TGFBR3: variants seen among roughly 807,000 people sequenced by gnomAD.
TGFBR3 encodes transforming growth factor beta receptor 3, also known as transforming growth factor beta receptor type 3.
TGFBR3 carries 46 observed loss-of-function variants against 87.9 expected under a neutral mutation model. The ratio of observed to expected loss-of-function variants is 0.52; its 90% CI spans 0.41 to 0.67. The LOEUF (loss-of-function observed/expected upper bound fraction) is 0.67. Among genes scored for constraint, TGFBR3 ranks in the 30% least tolerant of loss-of-function variants. The pLI, the probability that TGFBR3 is intolerant of heterozygous loss-of-function variation, is 0.00. For synonymous variants in TGFBR3, 381 were observed against 391.6 expected (o/e 0.97, Z 0.32); for missense variants, 866 against 1,041.9 (o/e 0.83, Z 2.32).
intron 2 of TGFBR3, among the ~76,000 whole-genome samples, chr1:91,855,238 G>T (rs1335511092): frequency 6.6e-6 from 1 of 152,192 alleles, no homozygotes; most frequent in Non-Finnish European, 1.5e-5. Flanking sequence ...GTTTCCAAAA[G>T]GATACATCTG....
At chr1:91,747,734 G>A (rs1428419215) in intron 4 of TGFBR3, among the ~76,000 whole-genome samples, 1 of 152,160 alleles carries the variant, frequency 6.6e-6, no homozygotes, top group African/African-American at 2.4e-5. Context: ...CACTAAGGAA[G>A]GGAGATTGTA....
chr1:91,734,244 C>T lies in TGFBR3; in HGVS notation c.568+532G>A, dbSNP rs560669140. Among the ~76,000 whole-genome samples the T allele has an allele frequency of 2.0e-5, 3 of 152,222 alleles. No individual in the cohort carries two copies. The South Asian group carries it at 6.2e-4, about 32-fold the overall frequency. On this transcript the variant is annotated intron_variant, in intron 5 of 16. Coordinates refer to ENST00000212355, the MANE Select transcript of TGFBR3 (RefSeq NM_003243.5). ...TATCAAGACCCTACACTTCTTTTCT[C>T]CAATAATTTGTCCTTGTAATAGTCA...
chr1:91,683,144 C>T lies in TGFBR3; in HGVS notation c.*595G>A. The T allele has an allele frequency of 2.2e-6, 1 of 454,532 alleles. No homozygotes were observed. The highest frequency in any genetic ancestry group is 1.6e-5 in the South Asian group (1 of 64,476). The allele number at this position is 454,532 out of a possible 1,614,324, so 28.2% of individuals were successfully genotyped here. ...TGTTGCCTTAACACTTGTCAGGGTGCAGTCCCTGAGGGCAGCACCCATCAA... is the reference window on the plus strand; with the variant it reads ...TGTTGCCTTAACACTTGTCAGGGTGTAGTCCCTGAGGGCAGCACCCATCAA... On this transcript the variant is annotated 3_prime_UTR_variant, in exon 17 of 17. Coordinates refer to ENST00000212355, the MANE Select transcript of TGFBR3 (RefSeq NM_003243.5).
chr1:91,778,954 G>A (rs1238186499), intron 3 of TGFBR3, among the ~76,000 whole-genome samples: 7 of 152,170 alleles, frequency 4.6e-5, no homozygotes, highest in African/African-American at 1.7e-4. Context: ...ACTGGGTGAA[G>A]GCAGCCACAT....
chr1:91,904,077 G>C (rs1217652437), intron 1 of TGFBR3, among the ~76,000 whole-genome samples: 1 of 152,002 alleles, frequency 6.6e-6, no homozygotes, highest in East Asian at 1.9e-4. Context: ...CCAGCTACTC[G>C]GGAGGCTGAG....
chr1:91,728,633 C>T (rs1169531255), intron 6 of TGFBR3, among the ~76,000 whole-genome samples: 2 of 152,204 alleles, frequency 1.3e-5, no homozygotes, highest in African/African-American at 2.4e-5. Context: ...GGCCTGACGT[C>T]GAAGCACATT....
chr1:91,780,334 A>G (rs1393861182), intron 3 of TGFBR3, among the ~76,000 whole-genome samples: 3 of 152,130 alleles, frequency 2.0e-5, no homozygotes, highest in Non-Finnish European at 4.4e-5. Context: ...AACTCTCTCA[A>G]TTCTGTAACC....
chr1:91,770,296 C>T lies in TGFBR3; in HGVS notation c.247-11546G>A, dbSNP rs538574798. On this transcript the variant is annotated intron_variant, in intron 3 of 16. Transcript: ENST00000212355. Reference sequence around the variant, plus strand: ...TAAATAGACTTTATCCCATGCTGAACTTACATAGACTGATTCCTACAGATT... The same window carrying T: ...TAAATAGACTTTATCCCATGCTGAATTTACATAGACTGATTCCTACAGATT... Among the ~76,000 whole-genome samples the T allele has an allele frequency of 9.9e-5, 15 of 151,074 alleles. No homozygotes were observed. In the East Asian group the frequency reaches 2.9e-3, roughly 29 times the overall value.
intron 2 of TGFBR3, among the ~76,000 whole-genome samples, chr1:91,896,712 T>A (rs1330680064): frequency 6.6e-6 from 1 of 152,170 alleles, no homozygotes; most frequent in East Asian, 1.9e-4. Flanking sequence ...ATTGCTCTTA[T>A]TTTGGTCTTA....
chr1:91,724,963 C>T (rs1255298914), intron 7 of TGFBR3, among the ~76,000 whole-genome samples: 1 of 152,098 alleles, frequency 6.6e-6, no homozygotes, highest in Non-Finnish European at 1.5e-5. Context: ...GAACAAGCTG[C>T]CCATCATCAA....
intron 4 of TGFBR3, among the ~76,000 whole-genome samples, chr1:91,736,574 G>GA: frequency 6.6e-6 from 1 of 151,970 alleles, no homozygotes; most frequent in Non-Finnish European, 1.5e-5. Flanking sequence ...GCCTGAATAA[G>GA]AAAAAAATCC....
intron 1 of TGFBR3, among the ~76,000 whole-genome samples, chr1:91,868,321 A>G (rs1557753586): frequency 6.6e-6 from 1 of 152,258 alleles, no homozygotes; most frequent in Non-Finnish European, 1.5e-5. Context: ...TAGCAAGGCA[A>G]CAGAAATAGT....
Position 91,681,147 on chromosome 1 carries a change from G to A in TGFBR3, c.*2592C>T, listed in dbSNP as rs901284830. ...AACAATACTTTTAAAGAAACTTGTAGTACACGTTATAAAAGTAGAGCTTGT... is the reference window on the plus strand; with the variant it reads ...AACAATACTTTTAAAGAAACTTGTAATACACGTTATAAAAGTAGAGCTTGT... On this transcript the variant is annotated 3_prime_UTR_variant, in exon 17 of 17. Coordinates refer to ENST00000212355, the MANE Select transcript of TGFBR3 (RefSeq NM_003243.5). 6.6e-6 allele frequency: 3 copies of A among 453,998 alleles called. No homozygotes were observed. The highest frequency in any genetic ancestry group is 4.7e-5 in the Admixed American group (2 of 42,558). 28.1% of individuals were successfully genotyped at this position (453,998 alleles called of 1,614,324 possible). A position where few individuals can be genotyped will look rare whatever the true frequency, so the allele number is the denominator to read the frequency against.
At chr1:91,863,506 C>A (rs901447225) in intron 1 of TGFBR3, among the ~76,000 whole-genome samples, 4 of 152,198 alleles carry the variant, frequency 2.6e-5, no homozygotes, top group Admixed American at 2.6e-4. Context: ...TAGCACGTAA[C>A]AACCAACCAA....
chr1:91,685,804 TAAC>T (rs1671072975), intron 16 of TGFBR3, among the ~76,000 whole-genome samples: 2 of 152,048 alleles, frequency 1.3e-5, no homozygotes, highest in African/African-American at 2.4e-5. Context: ...TCAAATCTCT[TAAC>T]TATTCTGAGG....
At chr1:91,841,904 G>A (rs1427130639) in intron 2 of TGFBR3, among the ~76,000 whole-genome samples, 2 of 151,356 alleles carry the variant, frequency 1.3e-5, no homozygotes, top group Non-Finnish European at 2.9e-5. Context: ...TTCGAGACCA[G>A]CCTGGGCAAC....
At chr1:91,820,428 A>T (rs1676400565) in intron 2 of TGFBR3, among the ~76,000 whole-genome samples, 1 of 152,228 alleles carries the variant, frequency 6.6e-6, no homozygotes, top group African/African-American at 2.4e-5. Flanking sequence ...TCACACCTGT[A>T]ATCCCAGCAC....
intron 16 of TGFBR3, among the ~76,000 whole-genome samples, chr1:91,692,045 A>G (rs1671285811): frequency 6.6e-6 from 1 of 152,152 alleles, no homozygotes; most frequent in Admixed American, 6.5e-5. Flanking sequence ...CTAATGGGGT[A>G]GGGTGGGGAA....
intron 1 of TGFBR3, among the ~76,000 whole-genome samples, chr1:91,902,208 T>C (rs1679735232): frequency 6.6e-6 from 1 of 152,042 alleles, no homozygotes; most frequent in African/African-American, 2.4e-5. Context: ...TCCCTACTTC[T>C]TTTCACTCCT....
Sources: allele counts gnomAD v4.1 joint callset (sites outside exome capture counted in the v4.1 genomes callset), GRCh38; gene constraint gnomAD v4.1.1; transcripts MANE v1.5; gene names NCBI Gene and HGNC (gene_info 2026-07-23, HGNC 2026-07-21).